The following TTPA variants were observed in gnomAD, a reference collection of about 807,000 sequenced individuals.
TTPA encodes alpha-tocopherol transfer protein.
TTPA carries 23 observed loss-of-function variants against 25.9 expected under a neutral mutation model. The observed-to-expected ratio is 0.89, with a 90% CI of 0.64 to 1.26. TTPA has a LOEUF of 1.26. Among genes scored for constraint, TTPA ranks in the 50% most tolerant of loss-of-function variants. The pLI is 0.00. For missense variants in TTPA, 337 were observed against 353.1 expected, an observed-to-expected ratio of 0.95 and a Z score of 0.37; for synonymous variants, 148 against 137.3, an observed-to-expected ratio of 1.08 and a Z score of -0.54.
chr8:63,061,473 C>A (rs535045937), intron 4 of TTPA, 48 bp from the exon 5 acceptor site: 29 of 1,575,836 alleles, frequency 1.8e-5, no homozygotes, highest in Non-Finnish European at 2.4e-5. Flanking sequence ...AGATGCATTT[C>A]CAGTGGAAAA....
downstream of TTPA, among the ~76,000 whole-genome samples, chr8:63,059,328 G>A (rs545125844): frequency 2.0e-5 from 3 of 151,698 alleles, no homozygotes; most frequent in African/African-American, 7.3e-5. Flanking sequence ...CACCGCGCCC[G>A]GCCCAGGGTC....
chr8:63,084,235 TG>T (rs1255134050), intron 1 of TTPA, among the ~76,000 whole-genome samples: 1 of 152,170 alleles, frequency 6.6e-6, no homozygotes, highest in African/African-American at 2.4e-5. Context: ...TACTCAACAC[TG>T]AAAAATACAC....
intron 2 of TTPA, 144 bp from the exon 3 acceptor site, chr8:63,066,241 C>T: frequency 1.1e-6 from 1 of 882,078 alleles, no homozygotes; most frequent in Non-Finnish European, 1.7e-6. Flanking sequence ...ATAAATCCAA[C>T]TGGCGTCCAA....
At chr8:63,082,956 A>C (rs1805687530) in intron 1 of TTPA, among the ~76,000 whole-genome samples, 1 of 152,226 alleles carries the variant, frequency 6.6e-6, no homozygotes, top group Non-Finnish European at 1.5e-5. Flanking sequence ...CACGCCAGTT[A>C]GAATGGTGAT....
Position 63,065,998 on chromosome 8 carries a change from C to A in TTPA, c.458G>T (p.Gly153Val). 2 of 1,614,056 alleles carry A rather than the reference C, an allele frequency of 1.2e-6. No individual in the cohort carries two copies. The highest frequency in any genetic ancestry group is 1.7e-6 in the Non-Finnish European group (2 of 1,179,986). The change falls in exon 3 of 5, where the codon GGA becomes GTA. Residue 153 changes from glycine to valine, a missense_variant. Coordinates refer to ENST00000260116, the MANE Select transcript of TTPA (RefSeq NM_000370.3). ...TTCCAGATCAAAGATAGCCTTGATTCCATTCCGCTGAGTTTCTACCTCCTG... is the reference window on the plus strand; with the variant it reads ...TTCCAGATCAAAGATAGCCTTGATTACATTCCGCTGAGTTTCTACCTCCTG... ...IVQEVETQRN[G>V]IKAIFDLEGW...
In TTPA at chr8:63,085,972, A is replaced by G. The variant is rs1331072466; in HGVS notation, c.50T>C (p.Leu17Pro). ...QPSAGPQLNALPDHSPLLQPG... is the reference protein window; with the variant it reads ...QPSAGPQLNAPPDHSPLLQPG... ...CTGCAGCAACGGAGAGTGGTCCGGT[A>G]GCGCGTTGAGCTGCGGCCCCGCCGA... The change falls in exon 1 of 5, where the codon CTA becomes CCA. Residue 17 changes from leucine (L) to proline (P), a missense_variant. Physicochemically the swap from Leu to Pro is moderately conservative, Grantham distance 98. Transcript: ENST00000260116. The G allele has an allele frequency of 4.0e-6, 6 of 1,505,180 alleles. No homozygotes were observed. Among genetic ancestry groups the G allele is most frequent in the East Asian group, 5.4e-5 (2 of 36,958 alleles). 93.2% of individuals were successfully genotyped at this position (1,505,180 alleles called of 1,614,324 possible). A position where few individuals can be genotyped will look rare whatever the true frequency, so the allele number is the denominator to read the frequency against.
At chr8:63,081,742 C>G (rs1805667467) in intron 1 of TTPA, among the ~76,000 whole-genome samples, 1 of 152,134 alleles carries the variant, frequency 6.6e-6, no homozygotes, top group Non-Finnish European at 1.5e-5. Context: ...TTAGAAAACC[C>G]CATCGTCTCA....
intron 1 of TTPA, among the ~76,000 whole-genome samples, chr8:63,074,229 A>G (rs1246012560): frequency 6.6e-6 from 1 of 152,208 alleles, no homozygotes; most frequent in Non-Finnish European, 1.5e-5. Flanking sequence ...AGAGAGGGAA[A>G]TGCTGAGCCT....
chr8:63,068,888 C>T (rs7819640), intron 2 of TTPA, among the ~76,000 whole-genome samples: 2,593 of 152,202 alleles, frequency 0.017, 79 homozygotes, highest in African/African-American at 0.059. Context: ...GGCATGGTGG[C>T]TCACACCTGT....
intron 1 of TTPA, among the ~76,000 whole-genome samples, chr8:63,076,069 C>T (rs1452249327): frequency 6.6e-6 from 1 of 152,182 alleles, no homozygotes; most frequent in African/African-American, 2.4e-5. Flanking sequence ...TTTGACAGCG[C>T]AGGCTCTCTC....
Position 63,075,698 on chromosome 8 carries a change from CAAAAAAAAAAAAA to C in TTPA, c.205-2623_205-2611del, listed in dbSNP as rs751066913. Among the ~76,000 whole-genome samples the C allele has an allele frequency of 1.6e-4, 9 of 56,968 alleles. No individual in the cohort carries two copies. The East Asian group carries it at 3.2e-3, about 20-fold the overall frequency. 37.4% of individuals were successfully genotyped at this position (56,968 alleles called of 152,430 possible). A position where few individuals can be genotyped will look rare whatever the true frequency, so the allele number is the denominator to read the frequency against. ...TGGGCGACAGAGCCAGACTCCGTCTCAAAAAAAAAAAAAAAAAAAAAAAGTAAAGTAAAGCTAT... is the reference window on the plus strand; with the variant it reads ...TGGGCGACAGAGCCAGACTCCGTCTCAAAAAAAAAAGTAAAGTAAAGCTAT... On this transcript the variant is annotated intron_variant, in intron 1 of 4. Transcript: ENST00000260116.
intron 1 of TTPA, among the ~76,000 whole-genome samples, chr8:63,075,985 G>C (rs1805556932): frequency 1.3e-5 from 2 of 152,180 alleles, no homozygotes; most frequent in South Asian, 2.1e-4. Context: ...AGACTATGTA[G>C]AACAGGCAGA....
At chr8:63,059,058 G>T (rs1279665934), downstream of TTPA, among the ~76,000 whole-genome samples, 1 of 98,016 alleles carries the variant, frequency 1.0e-5, no homozygotes, top group African/African-American at 4.6e-5. Context: ...TTGAGACGGA[G>T]TCTCGCTCTG....
At chr8:63,071,489 T>A (rs896783966) in intron 2 of TTPA, among the ~76,000 whole-genome samples, 2 of 152,176 alleles carry the variant, frequency 1.3e-5, no homozygotes, top group African/African-American at 2.4e-5. Flanking sequence ...CATGAGAAAT[T>A]CTGGGAATAG....
Position 63,060,989 on chromosome 8 carries a change from G to T in TTPA, c.*263C>A. ...CAGCTACTTTAGCAATAACTTTCAT[G>T]TTCTCTTCAAGTACAAAATCGCCGA... is the stretch of plus-strand genomic sequence containing the variant. On this transcript the variant is annotated 3_prime_UTR_variant, in exon 5 of 5. Coordinates refer to ENST00000260116, the MANE Select transcript of TTPA (RefSeq NM_000370.3). 2.7e-6 allele frequency: 1 copy of T among 371,426 alleles called. No individual in the cohort carries two copies. Among genetic ancestry groups the T allele is most frequent in the South Asian group, 3.0e-5 (1 of 33,748 alleles). 23.0% of individuals were successfully genotyped at this position (371,426 alleles called of 1,614,324 possible).
chr8:63,073,643 G>C (rs1029571299), intron 1 of TTPA, among the ~76,000 whole-genome samples: 1 of 152,188 alleles, frequency 6.6e-6, no homozygotes, highest in African/African-American at 2.4e-5. Flanking sequence ...ATGCCATGTG[G>C]AACAGAGATG....
chr8:63,065,905 G>T lies in TTPA; in HGVS notation c.551C>A (p.Thr184Lys). ...SVAKKIAAVL[T>K]DSFPLKVRGI... ...CTGACAGTTAAAATATACATTTACC[G>T]TAAGTACAGCAGCAATCTTCTTGGC... The change falls in exon 3 of 5, where the codon ACG becomes AAG. Residue 184 changes from threonine (T) to lysine (K), a missense_variant and splice_region_variant. Transcript: ENST00000260116. 6 of 1,613,794 alleles carry T rather than the reference G, an allele frequency of 3.7e-6. No individual in the cohort carries two copies. The highest frequency in any genetic ancestry group is 5.1e-6 in the Non-Finnish European group (6 of 1,179,822).
At chr8:63,065,106 C>A (rs759015216) in intron 3 of TTPA, among the ~76,000 whole-genome samples, 2 of 152,058 alleles carry the variant, frequency 1.3e-5, no homozygotes, top group African/African-American at 2.4e-5. Context: ...TTTTAAGTAA[C>A]CATGTTTCTA....
rs116234125 is a variant in TTPA at position 63,070,285 on chromosome 8, G to A, written c.358+2650C>T. ...TCCTACAGCATGTTGGCTGATAAAG[G>A]TCAAAACTTAGCTTCACCTTGGGTT... On this transcript the variant is annotated intron_variant, in intron 2 of 4. Coordinates refer to ENST00000260116, the MANE Select transcript of TTPA (RefSeq NM_000370.3). 6.6e-3 allele frequency among the ~76,000 whole-genome samples: 1,011 copies of A among 152,254 alleles called. 10 individuals carry two copies. Among genetic ancestry groups the A allele is most frequent in the African/African-American group, 0.023 (940 of 41,558 alleles).
Sources: allele counts gnomAD v4.1 joint callset (sites outside exome capture counted in the v4.1 genomes callset), GRCh38; gene constraint gnomAD v4.1.1; transcripts MANE v1.5; gene names NCBI Gene and HGNC (gene_info 2026-07-23, HGNC 2026-07-21).